Variants in CIT observed in about 807,000 individuals in gnomAD.
CIT encodes citron rho-interacting serine/threonine kinase, also known as citron Rho-interacting kinase.
Under a neutral mutation model 272.7 loss-of-function variants are expected in CIT, and 79 were observed. The observed-to-expected ratio is 0.29, with a 90% CI of 0.24 to 0.35. The LOEUF is 0.35. Ranked by LOEUF, CIT falls within the 10% of genes least tolerant of loss-of-function variation. The pLI, the probability that CIT is intolerant of heterozygous loss-of-function variation, is 1.00. For missense variants in CIT, 1,909 were observed against 2,618.3 expected (o/e 0.73, Z 5.91); for synonymous variants, 948 against 995.6 (o/e 0.95, Z 0.90).
intron 41 of CIT, 87 bp downstream of exon 41, chr12:119,704,276 C>A: frequency 8.0e-7 from 1 of 1,257,422 alleles, no homozygotes; most frequent in Non-Finnish European, 1.2e-6. Flanking sequence ...CAGGCTGTGT[C>A]CCAGGACAGT....
rs749917073 is a variant in CIT at position 119,869,166 on chromosome 12, A to C, written c.132T>G (p.Ser44=). The C allele has an allele frequency of 1.9e-5, 30 of 1,612,168 alleles. No individual in the cohort carries two copies. The highest frequency in any genetic ancestry group is 4.0e-5 in the African/African-American group (3 of 74,776). ...KPPFMTQQQM[S]PLSREGILDA... is the part of the protein sequence containing the mutation. ...CTAATATCCCTTCTCGGGAAAGAGGAGACATCTGCTGTTGAGTCATAAAGG... is the reference window on the plus strand; with the variant it reads ...CTAATATCCCTTCTCGGGAAAGAGGCGACATCTGCTGTTGAGTCATAAAGG... Residue 44 remains serine (S), a synonymous_variant, in exon 3 of 48, where the codon TCT becomes TCG. Coordinates refer to ENST00000392521, the MANE Select transcript of CIT (RefSeq NM_001206999.2).
At chr12:119,790,334 C>A (rs1323512404) in intron 10 of CIT, among the ~76,000 whole-genome samples, 1 of 152,156 alleles carries the variant, frequency 6.6e-6, no homozygotes, top group East Asian at 1.9e-4. Flanking sequence ...AGAGCTGATA[C>A]TATCACTGCT....
chr12:119,696,181 G>A (rs770729889), intron 46 of CIT, among the ~76,000 whole-genome samples: 8 of 152,164 alleles, frequency 5.3e-5, no homozygotes, highest in Non-Finnish European at 1.2e-4. Context: ...GCTCTGTACT[G>A]TACACCTTTC....
Position 119,697,696 on chromosome 12 carries a change from C to T in CIT, c.5845G>A (p.Gly1949Ser), listed in dbSNP as rs367930288. Residue 1949 changes from glycine (G) to serine (S), a missense_variant, in exon 46 of 48, where the codon GGC becomes AGC. Transcript: ENST00000392521. The surrounding 1 kb of genome is among the most constrained non-coding windows in gnomAD (Gnocchi z 4.9). ...GACGGGCCCCGGTGGTGTTCAGTGC[C>T]GGACTCCTTCACGAGGTTTCCCTTG... ...CCKGNLVKES[G>S]TEHHRGPSTS... is the part of the protein sequence containing the mutation. 8 of 1,614,004 alleles carry T rather than the reference C, an allele frequency of 5.0e-6. No homozygotes were observed. In the Admixed American group the frequency reaches 6.7e-5, roughly 13 times the overall value.
chr12:119,762,978 C>T (rs977407803), intron 19 of CIT, among the ~76,000 whole-genome samples: 2 of 152,120 alleles, frequency 1.3e-5, no homozygotes, highest in African/African-American at 2.4e-5. Flanking sequence ...CCCAGGAGTT[C>T]GAAGCCTCAT....
intron 2 of CIT, among the ~76,000 whole-genome samples, chr12:119,874,278 T>C (rs1381047680): frequency 2.0e-5 from 3 of 151,972 alleles, no homozygotes; most frequent in African/African-American, 4.8e-5. Context: ...CACCACGTTG[T>C]CCAGGCTGGT....
chr12:119,701,667 C>G lies in CIT; in HGVS notation c.5499G>C (p.Val1833=). The G allele has an allele frequency of 6.2e-7, 1 of 1,614,206 alleles. No homozygotes were observed. Among genetic ancestry groups the G allele is most frequent in the East Asian group, 2.2e-5 (1 of 44,880 alleles). ...ACTCCTCTCGCTGCCCTGCGCTGTT[C>G]ACCTGCACGATTGAGACAGGGAAGC... ...SNSFPVSIVQ[V]NSAGQREEYL... is the part of the protein sequence containing the mutation. Residue 1833 remains valine (V), a synonymous_variant, in exon 43 of 48, where the codon GTG becomes GTC. Transcript: ENST00000392521.
chr12:119,766,996 C>T, intron 19 of CIT, 91 bp downstream of exon 19: 1 of 835,624 alleles, frequency 1.2e-6, no homozygotes, highest in Non-Finnish European at 1.8e-6. Flanking sequence ...TACTTTGGTC[C>T]AGCAAGAAAT....
chr12:119,745,717 C>T (rs140369708), intron 23 of CIT, among the ~76,000 whole-genome samples: 201 of 152,114 alleles, frequency 1.3e-3, no homozygotes, highest in African/African-American at 4.6e-3. Flanking sequence ...ATGGATATCC[C>T]AATTACCCTG....
intron 22 of CIT, among the ~76,000 whole-genome samples, chr12:119,755,029 G>A (rs1230781010): frequency 1.3e-5 from 2 of 152,198 alleles, no homozygotes; most frequent in Non-Finnish European, 2.9e-5. Flanking sequence ...TTACAGAAGA[G>A]TGAAAGTATA....
intron 5 of CIT, among the ~76,000 whole-genome samples, chr12:119,844,601 AT>A (rs1286420672): frequency 6.6e-6 from 1 of 152,176 alleles, no homozygotes; most frequent in Non-Finnish European, 1.5e-5. Flanking sequence ...GCATATCTTA[AT>A]TTCCATGCTA....
rs756803585 is a variant in CIT at position 119,784,192 on chromosome 12, T to A, written c.1402-141A>T. 7 of 1,607,902 alleles carry A rather than the reference T, an allele frequency of 4.4e-6. No homozygotes were observed. Among genetic ancestry groups the A allele is most frequent in the Non-Finnish European group, 6.0e-6 (7 of 1,176,420 alleles). ...AGTTAAGTTGGGATGGAAATACCAT[T>A]GTTTCTTCGCCCAGGAGCGCACAGT... On this transcript the variant is annotated intron_variant, in intron 11 of 47. Coordinates refer to ENST00000392521, the MANE Select transcript of CIT (RefSeq NM_001206999.2). The surrounding 1 kb of genome is among the most constrained non-coding windows in gnomAD (Gnocchi z 4.7).
chr12:119,747,049 T>G (rs1411797968), intron 23 of CIT, among the ~76,000 whole-genome samples: 4 of 146,434 alleles, frequency 2.7e-5, no homozygotes, highest in African/African-American at 1.0e-4. Context: ...AGAATAAATA[T>G]CTACACTCTT....
At chr12:119,836,025 A>T (rs1425521556) in intron 5 of CIT, among the ~76,000 whole-genome samples, 1 of 152,066 alleles carries the variant, frequency 6.6e-6, no homozygotes, top group African/African-American at 2.4e-5. Flanking sequence ...ACAGTGGCTC[A>T]CACCTGTAAT....
chr12:119,754,072 C>T (rs935802845), intron 22 of CIT, among the ~76,000 whole-genome samples: 2 of 152,158 alleles, frequency 1.3e-5, no homozygotes, highest in Non-Finnish European at 2.9e-5. Context: ...GTGATGACGA[C>T]GATGTCACAG....
intron 44 of CIT, among the ~76,000 whole-genome samples, chr12:119,698,397 C>T (rs1956351818): frequency 1.3e-5 from 2 of 152,088 alleles, no homozygotes; most frequent in African/African-American, 4.8e-5. Context: ...CGAGACCAGC[C>T]TGGCCTACAT....
intron 10 of CIT, among the ~76,000 whole-genome samples, chr12:119,795,990 T>C (rs1366637268): frequency 6.6e-6 from 1 of 152,228 alleles, no homozygotes; most frequent in Non-Finnish European, 1.5e-5. Context: ...CAAATGTTCA[T>C]TGAAGACCTG....
intron 9 of CIT, among the ~76,000 whole-genome samples, chr12:119,811,222 G>A (rs75502517): frequency 0.039 from 5,887 of 152,096 alleles, 154 homozygotes; most frequent in Non-Finnish European, 0.055. Flanking sequence ...GAGGATCATC[G>A]GAGTCTGGGA....
chr12:119,794,873 A>G (rs1965606769), intron 10 of CIT, among the ~76,000 whole-genome samples: 1 of 152,226 alleles, frequency 6.6e-6, no homozygotes, highest in Non-Finnish European at 1.5e-5. Flanking sequence ...TGTGCTTCAT[A>G]TCCCCATGGC....
Sources: gnomAD v4.1 joint callset for allele counts (sites outside exome capture counted in the v4.1 genomes callset) on GRCh38, gnomAD v4.1.1 for gene constraint, Gnocchi (gnomAD v3.1) non-coding constraint, MANE v1.5 for transcripts, NCBI Gene and HGNC (gene_info 2026-07-23, HGNC 2026-07-21) for gene names.